Variants in CERS6 observed in about 807,000 individuals in gnomAD.
The protein encoded by CERS6 is LAG1 homolog, ceramide synthase 6.
In CERS6, 26 loss-of-function variants were observed where a neutral mutation model predicts 56.8. The ratio of observed to expected loss-of-function variants is 0.46; its 90% CI spans 0.34 to 0.63. The LOEUF is 0.63. Ranked by LOEUF, CERS6 falls within the 30% of genes least tolerant of loss-of-function variation. The probability of loss-of-function intolerance (pLI) is 0.01; values close to 1 mark genes in which losing one functional copy is unlikely to be tolerated. For missense variants in CERS6, 415 were observed against 467.5 expected (o/e 0.89, Z 1.04); for synonymous variants, 164 against 173.3 (o/e 0.95, Z 0.42).
At chr2:168,753,987 T>C (rs998769527) in intron 8 of CERS6, among the ~76,000 whole-genome samples, 4 of 152,102 alleles carry the variant, frequency 2.6e-5, no homozygotes, top group African/African-American at 9.7e-5. Flanking sequence ...TGGAAGGAGT[T>C]GGTGTGGCTT....
In CERS6 at chr2:168,625,851, G is replaced by A. The variant is rs79026586; in HGVS notation, c.408-5134G>A. On this transcript the variant is annotated intron_variant, in intron 3 of 9. Coordinates refer to ENST00000305747, the MANE Select transcript of CERS6 (RefSeq NM_203463.3). ...TGGTATTGAAAAGAAGCGTCTTTTC[G>A]GTGCTCTTCTATCCCCAGATTTGCA... is the stretch of plus-strand genomic sequence containing the variant. Among the ~76,000 whole-genome samples, 3 of 152,014 alleles carry A rather than the reference G, an allele frequency of 2.0e-5. No individual in the cohort carries two copies. The East Asian group carries it at 5.8e-4, about 29-fold the overall frequency.
intron 6 of CERS6, among the ~76,000 whole-genome samples, chr2:168,714,474 G>C (rs1687178089): frequency 6.6e-6 from 1 of 152,216 alleles, no homozygotes; most frequent in Non-Finnish European, 1.5e-5. Flanking sequence ...TTAGTAGTCA[G>C]AGAAGTGGTC....
intron 1 of CERS6, among the ~76,000 whole-genome samples, chr2:168,536,536 A>G (rs1331523269): frequency 6.6e-6 from 1 of 152,160 alleles, no homozygotes; most frequent in Non-Finnish European, 1.5e-5. Context: ...TGTATCCTAT[A>G]ACATGTTGCA....
At chr2:168,685,660 A>G (rs1290321543) in intron 4 of CERS6, among the ~76,000 whole-genome samples, 2 of 151,914 alleles carry the variant, frequency 1.3e-5, no homozygotes, top group Non-Finnish European at 1.5e-5. Context: ...AATAAATTGC[A>G]CTCGATTCTT....
intron 8 of CERS6, among the ~76,000 whole-genome samples, chr2:168,758,773 G>C (rs75773360): frequency 0.013 from 1,943 of 152,270 alleles, 50 homozygotes; most frequent in African/African-American, 0.042. Flanking sequence ...TTGGAGGTAG[G>C]TTTTTTGGAG....
At chr2:168,759,928 C>T (rs1166101665) in intron 8 of CERS6, among the ~76,000 whole-genome samples, 6 of 151,116 alleles carry the variant, frequency 4.0e-5, no homozygotes, top group Non-Finnish European at 7.4e-5. Flanking sequence ...TTTTGTTTGG[C>T]CCACAGGGTA....
intron 5 of CERS6, 132 bp downstream of exon 5, chr2:168,691,216 C>T: frequency 1.3e-6 from 1 of 755,548 alleles, no homozygotes; most frequent in Non-Finnish European, 2.3e-6. Context: ...CTGATCAGTG[C>T]TGGACATAAT....
intron 3 of CERS6, among the ~76,000 whole-genome samples, chr2:168,616,931 G>C (rs544321783): frequency 7.0e-4 from 106 of 152,248 alleles, no homozygotes; most frequent in Non-Finnish European, 1.2e-3. Context: ...CACAGAATAT[G>C]CATTTGATTC....
rs1491580943 is a variant in CERS6 at position 168,486,518 on chromosome 2, G to GTTTTTTTTTTTTTTTT, written c.170+29900_170+29901insTTTTTTTTTTTTTTTT. ...ATTTTTGTTAAAGGTGTCTAGATTTGGTTTTGTTTTTTTTTTTTTTGCCTA... is the reference window on the plus strand; with the variant it reads ...ATTTTTGTTAAAGGTGTCTAGATTTGTTTTTTTTTTTTTTTTGTTTTGTTTTTTTTTTTTTTGCCTA... On this transcript the variant is annotated intron_variant, in intron 1 of 9. Transcript: ENST00000305747. Among the ~76,000 whole-genome samples, 61 of 136,288 alleles carry GTTTTTTTTTTTTTTTT rather than the reference G, an allele frequency of 4.5e-4. 4 individuals are homozygous for GTTTTTTTTTTTTTTTT. Among genetic ancestry groups the GTTTTTTTTTTTTTTTT allele is most frequent in the Admixed American group, 8.3e-4 (11 of 13,312 alleles). The allele number at this position is 136,288 out of a possible 152,430, so 89.4% of individuals were successfully genotyped here.
chr2:168,568,282 A>C (rs536648319), intron 3 of CERS6, among the ~76,000 whole-genome samples: 1 of 152,220 alleles, frequency 6.6e-6, no homozygotes, highest in Non-Finnish European at 1.5e-5. Context: ...ATGGAATTGG[A>C]TGGTAATAAA....
chr2:168,550,497 G>A (rs1309659010), intron 2 of CERS6, among the ~76,000 whole-genome samples: 1 of 152,036 alleles, frequency 6.6e-6, no homozygotes, highest in East Asian at 1.9e-4. Context: ...TTTATTTGTC[G>A]TGTAATGTCA....
chr2:168,741,504 A>G (rs1324053071), intron 8 of CERS6, among the ~76,000 whole-genome samples: 2 of 152,182 alleles, frequency 1.3e-5, no homozygotes, highest in Non-Finnish European at 1.5e-5. Context: ...ATACAATAAC[A>G]CTAACAATAG....
intron 1 of CERS6, among the ~76,000 whole-genome samples, chr2:168,534,671 C>G (rs1695228107): frequency 6.6e-6 from 1 of 152,146 alleles, no homozygotes; most frequent in Non-Finnish European, 1.5e-5. Context: ...GTATAGGGTT[C>G]CTGACAACCC....
chr2:168,749,330 T>C (rs1684193828), intron 8 of CERS6, among the ~76,000 whole-genome samples: 2 of 152,196 alleles, frequency 1.3e-5, no homozygotes, highest in African/African-American at 4.8e-5. Context: ...GCTTCTTTTG[T>C]TCAGACGGAA....
At chr2:168,531,786 A>T (rs1695171973) in intron 1 of CERS6, among the ~76,000 whole-genome samples, 2 of 149,156 alleles carry the variant, frequency 1.3e-5, no homozygotes, top group Non-Finnish European at 3.0e-5. Flanking sequence ...GCTCCACTGC[A>T]CTCCAGCCTG....
chr2:168,585,034 G>A (rs1683508179), intron 3 of CERS6, among the ~76,000 whole-genome samples: 1 of 152,226 alleles, frequency 6.6e-6, no homozygotes, highest in African/African-American at 2.4e-5. Flanking sequence ...AAAAAGAAAT[G>A]CCAACTCCAT....
chr2:168,613,625 C>T (rs1327175357), intron 3 of CERS6, among the ~76,000 whole-genome samples: 1 of 152,188 alleles, frequency 6.6e-6, no homozygotes, highest in African/African-American at 2.4e-5. Flanking sequence ...CTTAAACTTG[C>T]CCAGGATCAC....
intron 6 of CERS6, 146 bp from the exon 7 acceptor site, chr2:168,714,855 A>C (rs540534695): frequency 1.6e-6 from 1 of 622,138 alleles, no homozygotes; most frequent in Non-Finnish European, 2.6e-6. Context: ...CTCCTGGAGG[A>C]TAAGAATTAT....
chr2:168,750,072 G>A lies in CERS6; in HGVS notation c.846-15520G>A, dbSNP rs371225470. Among the ~76,000 whole-genome samples the A allele has an allele frequency of 1.1e-4, 16 of 152,328 alleles. No homozygotes were observed. In the East Asian group the frequency reaches 1.4e-3, roughly 13 times the overall value. The stretch of plus-strand genomic sequence containing the variant: ...GTGTTGGCTTGGCAATGGCAATGGC[G>A]AACTGACGTGGCACACTGGTGCGTG... On this transcript the variant is annotated intron_variant, in intron 8 of 9. Coordinates refer to ENST00000305747, the MANE Select transcript of CERS6 (RefSeq NM_203463.3).
Sources: gnomAD v4.1 joint callset for allele counts (sites outside exome capture counted in the v4.1 genomes callset) on GRCh38, gnomAD v4.1.1 for gene constraint, MANE v1.5 for transcripts, NCBI Gene and HGNC (gene_info 2026-07-23, HGNC 2026-07-21) for gene names.